AKAIN1: variants seen among roughly 807,000 people sequenced by gnomAD.
The protein encoded by AKAIN1 is A-kinase anchor protein inhibitor 1.
A neutral mutation model predicts 3.7 loss-of-function variants in AKAIN1; 3 were observed. That is an observed-to-expected ratio of 0.82 (90% confidence interval 0.37 to 2.12). The LOEUF (loss-of-function observed/expected upper bound fraction) is 2.12, where lower values mean the gene tolerates loss of function less well. Ranked by LOEUF, AKAIN1 falls within the 30% of genes most tolerant of loss-of-function variation. The probability of loss-of-function intolerance (pLI) is 0.06; values close to 1 mark genes in which losing one functional copy is unlikely to be tolerated. For missense variants in AKAIN1, 82 were observed against 82.7 expected, an observed-to-expected ratio of 0.99 and a Z score of 0.03; for synonymous variants, 31 against 30.8, an observed-to-expected ratio of 1.01 and a Z score of -0.02.
intron 1 of AKAIN1, among the ~76,000 whole-genome samples, chr18:5,193,029 A>C (rs963894465): frequency 2.6e-5 from 4 of 152,242 alleles, no homozygotes; most frequent in Non-Finnish European, 1.5e-5. Context: ...TAAACCTCAC[A>C]GTTATGACAG....
Position 5,145,476 on chromosome 18 carries a change from G to A in AKAIN1, c.*86C>T. On this transcript the variant is annotated 3_prime_UTR_variant, in exon 2 of 2. Transcript: ENST00000434239. The stretch of plus-strand genomic sequence containing the variant: ...CTAGGTGCCGGTGACACTTCGGTTT[G>A]CTTTACTGGCAACATTTTGGAGATG... 8.8e-7 allele frequency: 1 copy of A among 1,133,880 alleles called. No individual in the cohort carries two copies. The highest frequency in any genetic ancestry group is 1.5e-5 in the South Asian group (1 of 64,682). 70.2% of individuals were successfully genotyped at this position (1,133,880 alleles called of 1,614,324 possible).
At chr18:5,174,762 T>C (rs570470185) in intron 1 of AKAIN1, among the ~76,000 whole-genome samples, 2 of 151,934 alleles carry the variant, frequency 1.3e-5, no homozygotes, top group South Asian at 4.2e-4. Flanking sequence ...TAGAAAGCAA[T>C]TGTCTCAGAT....
At chr18:5,168,516 T>C (rs1013556057) in intron 1 of AKAIN1, among the ~76,000 whole-genome samples, 7 of 152,132 alleles carry the variant, frequency 4.6e-5, no homozygotes, top group African/African-American at 1.7e-4. Flanking sequence ...CTCATGCCCA[T>C]TCCTCCTCAG....
At chr18:5,172,689 G>T (rs938705613) in intron 1 of AKAIN1, among the ~76,000 whole-genome samples, 2 of 151,374 alleles carry the variant, frequency 1.3e-5, no homozygotes, top group African/African-American at 2.4e-5. Flanking sequence ...CTTGTTTCTT[G>T]GTCTCTTTTA....
chr18:5,197,061 T>A lies in AKAIN1; in HGVS notation c.-8A>T. On this transcript the variant is annotated 5_prime_UTR_variant, in exon 1 of 2. Transcript: ENST00000434239. The surrounding 1 kb of genome is among the most constrained non-coding windows in gnomAD (Gnocchi z 6.9). ...ACCTGGAGCGAACACCATGATTTCT[T>A]CCAGCCGCTACGCCCCCAGATTAAG... 1.3e-6 allele frequency: 2 copies of A among 1,551,352 alleles called. No individual in the cohort carries two copies. The highest frequency in any genetic ancestry group is 1.7e-6 in the Non-Finnish European group (2 of 1,146,914).
At chr18:5,167,040 G>A (rs1001445450) in intron 1 of AKAIN1, among the ~76,000 whole-genome samples, 2 of 152,004 alleles carry the variant, frequency 1.3e-5, no homozygotes, top group Non-Finnish European at 2.9e-5. Context: ...CATTACTCAT[G>A]ATTTTTCACT....
At chr18:5,178,518 T>C (rs1480733537) in intron 1 of AKAIN1, among the ~76,000 whole-genome samples, 1 of 152,182 alleles carries the variant, frequency 6.6e-6, no homozygotes, top group Non-Finnish European at 1.5e-5. Flanking sequence ...AGTTAGAATC[T>C]TCTCTCAGTT....
chr18:5,162,694 G>C (rs2071146891), intron 1 of AKAIN1, among the ~76,000 whole-genome samples: 1 of 151,440 alleles, frequency 6.6e-6, no homozygotes, highest in Non-Finnish European at 1.5e-5. Flanking sequence ...AAAAGCTACT[G>C]TGAGTTACAA....
At chr18:5,173,794 G>A (rs1179589596) in intron 1 of AKAIN1, among the ~76,000 whole-genome samples, 1 of 152,150 alleles carries the variant, frequency 6.6e-6, no homozygotes, top group Non-Finnish European at 1.5e-5. Flanking sequence ...AGCATTAAGT[G>A]CTATGGAAGT....
chr18:5,156,298 A>G (rs1307012298), intron 1 of AKAIN1, among the ~76,000 whole-genome samples: 4 of 152,198 alleles, frequency 2.6e-5, no homozygotes, highest in Non-Finnish European at 5.9e-5. Context: ...TCCCTGAAAT[A>G]AACAGCGCAA....
intron 1 of AKAIN1, among the ~76,000 whole-genome samples, chr18:5,172,491 T>C (rs887712877): frequency 1.3e-5 from 2 of 152,112 alleles, no homozygotes; most frequent in African/African-American, 4.8e-5. Context: ...TCATCTTTGA[T>C]AATTAGTCAT....
chr18:5,155,989 A>C (rs1206889394), intron 1 of AKAIN1, among the ~76,000 whole-genome samples: 1 of 152,164 alleles, frequency 6.6e-6, no homozygotes, highest in Admixed American at 6.5e-5. Context: ...CATCCACAGC[A>C]CTTTCTGACA....
chr18:5,197,321 G>A (rs918194881), upstream of AKAIN1: 31 of 1,319,386 alleles, frequency 2.3e-5, no homozygotes, highest in African/African-American at 1.6e-5. The surrounding 1 kb of genome is among the most constrained non-coding windows in gnomAD (Gnocchi z 6.9). Flanking sequence ...TCATTCCTGT[G>A]CCAGCTCGGC....
rs1385182244 is a variant in AKAIN1, at chr18:5,197,250, T to G, written c.-197A>C. ...TCCAGCCGCCGCCGCGCGCTCTGCC[T>G]CCACAATGCGGCCACAGCGGCGGCG... is the stretch of plus-strand genomic sequence containing the variant. On this transcript the variant is annotated 5_prime_UTR_variant, in exon 1 of 2. Transcript: ENST00000434239. The surrounding 1 kb of genome is among the most constrained non-coding windows in gnomAD (Gnocchi z 6.9). 2.2e-6 allele frequency: 3 copies of G among 1,378,002 alleles called. No individual in the cohort carries two copies. Among genetic ancestry groups the G allele is most frequent in the Non-Finnish European group, 2.8e-6 (3 of 1,076,162 alleles). The allele number at this position is 1,378,002 out of a possible 1,614,324, so 85.4% of individuals were successfully genotyped here.
At chr18:5,157,188 C>A (rs1364757742) in intron 1 of AKAIN1, among the ~76,000 whole-genome samples, 2 of 152,156 alleles carry the variant, frequency 1.3e-5, no homozygotes, top group African/African-American at 4.8e-5. Flanking sequence ...GGGATTAGAT[C>A]TGTGCGCTCC....
At chr18:5,197,258 G>A (rs1318943286), upstream of AKAIN1, 13 of 1,375,460 alleles carry the variant, frequency 9.5e-6, no homozygotes, top group South Asian at 1.7e-5. The surrounding 1 kb of genome is among the most constrained non-coding windows in gnomAD (Gnocchi z 6.9). Flanking sequence ...CCTCCACAAT[G>A]CGGCCACAGC....
chr18:5,178,073 T>A (rs1237943160), intron 1 of AKAIN1, among the ~76,000 whole-genome samples: 1 of 151,984 alleles, frequency 6.6e-6, no homozygotes, highest in Non-Finnish European at 1.5e-5. Flanking sequence ...CACATCCAGG[T>A]TGGTGTTGCT....
chr18:5,192,409 C>G (rs967527913), intron 1 of AKAIN1, among the ~76,000 whole-genome samples: 1 of 115,296 alleles, frequency 8.7e-6, no homozygotes, highest in East Asian at 4.3e-4. Flanking sequence ...TTCTTTCTTT[C>G]TTTCTTTCTT....
chr18:5,192,389 C>T (rs74977829), intron 1 of AKAIN1, among the ~76,000 whole-genome samples: 5,766 of 81,994 alleles, frequency 0.07, 347 homozygotes, highest in East Asian at 0.37. Flanking sequence ...AGCTAATTTT[C>T]TTTCTTTCTT....
Sources: allele counts gnomAD v4.1 joint callset (sites outside exome capture counted in the v4.1 genomes callset), GRCh38; gene constraint gnomAD v4.1.1; non-coding constraint Gnocchi (gnomAD v3.1); transcripts MANE v1.5; gene names NCBI Gene and HGNC (gene_info 2026-07-23, HGNC 2026-07-21).